The following TENM3 variants were observed in gnomAD, a reference collection of about 807,000 sequenced individuals.
The protein encoded by TENM3 is teneurin-3.
TENM3 carries 63 observed loss-of-function variants against 255.1 expected under a neutral mutation model. That is an observed-to-expected ratio of 0.25 (90% CI 0.20 to 0.30). TENM3 has a LOEUF of 0.30. Ranked by LOEUF, TENM3 falls within the 10% of genes least tolerant of loss-of-function variation. TENM3 has a pLI of 1.00. For synonymous variants in TENM3, 1,306 were observed against 1,322.3 expected (o/e 0.99, Z 0.27); for missense variants, 2,929 against 3,461.1 (o/e 0.85, Z 3.86).
chr4:182,350,568 T>TAA (rs1437922006), intron 3 of TENM3, among the ~76,000 whole-genome samples: 5 of 152,140 alleles, frequency 3.3e-5, no homozygotes, highest in Admixed American at 1.3e-4. Flanking sequence ...GCAGTTTGAG[T>TAA]AAAAATGGGT....
At chr4:181,549,494 G>A in the TENM3 span, among the ~76,000 whole-genome samples, 1 of 152,196 alleles carries the variant, frequency 6.6e-6, no homozygotes, top group Non-Finnish European at 1.5e-5. Flanking sequence ...CTCCAACACA[G>A]GTCTGTGTTA....
chr4:182,419,405 C>T (rs1770634951), intron 3 of TENM3, among the ~76,000 whole-genome samples: 1 of 152,144 alleles, frequency 6.6e-6, no homozygotes, highest in African/African-American at 2.4e-5. Context: ...AATAGGAACG[C>T]TTTTACACTG....
At chr4:182,295,220 G>A (rs997138423) in intron 1 of TENM3, among the ~76,000 whole-genome samples, 16 of 150,016 alleles carry the variant, frequency 1.1e-4, no homozygotes, top group East Asian at 1.9e-4. Flanking sequence ...GCATTTACTC[G>A]GAATATATAT....
the TENM3 span, among the ~76,000 whole-genome samples, chr4:181,969,688 T>C: frequency 1.3e-5 from 2 of 152,092 alleles, no homozygotes; most frequent in African/African-American, 2.4e-5. Flanking sequence ...CAGCAAAGAG[T>C]TTGAGATCCA....
the TENM3 span, among the ~76,000 whole-genome samples, chr4:181,699,985 T>G: frequency 6.6e-6 from 1 of 152,178 alleles, no homozygotes; most frequent in Non-Finnish European, 1.5e-5. Flanking sequence ...TCAGTCGTCC[T>G]GGCAAATTCT....
chr4:181,865,166 G>T, the TENM3 span, among the ~76,000 whole-genome samples: 1 of 152,230 alleles, frequency 6.6e-6, no homozygotes, highest in Admixed American at 6.5e-5. Context: ...AACAAGGCAA[G>T]CTGTGCTGGC....
intron 3 of TENM3, among the ~76,000 whole-genome samples, chr4:182,574,785 CA>C (rs570445386): frequency 2.0e-5 from 3 of 152,114 alleles, no homozygotes; most frequent in Admixed American, 6.5e-5. Flanking sequence ...TGAGCTATTT[CA>C]AAAAAATTTT....
the TENM3 span, among the ~76,000 whole-genome samples, chr4:181,893,094 C>G: frequency 6.6e-6 from 1 of 152,018 alleles, no homozygotes; most frequent in African/African-American, 2.4e-5. Flanking sequence ...TTAAGAGTGT[C>G]ATTAATATAA....
intron 3 of TENM3, among the ~76,000 whole-genome samples, chr4:182,514,316 G>A (rs538309065): frequency 8.1e-4 from 123 of 152,324 alleles, no homozygotes; most frequent in African/African-American, 2.8e-3. Flanking sequence ...TAGGGAAATG[G>A]AAGGAGCAGA....
chr4:182,600,882 TA>T, intron 3 of TENM3, 41 bp from the exon 4 acceptor site: 1 of 1,015,024 alleles, frequency 9.9e-7, no homozygotes, highest in Non-Finnish European at 1.5e-6. Context: ...TATATATATA[TA>T]ATGAGTTCTC....
At chr4:181,748,339 A>G in the TENM3 span, among the ~76,000 whole-genome samples, 1 of 152,208 alleles carries the variant, frequency 6.6e-6, no homozygotes, top group Admixed American at 6.5e-5. Flanking sequence ...CTTCTTGTAC[A>G]GACCCTGAAT....
the TENM3 span, among the ~76,000 whole-genome samples, chr4:181,629,960 C>G: frequency 6.6e-6 from 1 of 152,204 alleles, no homozygotes; most frequent in African/African-American, 2.4e-5. Flanking sequence ...GTGAGTCCGT[C>G]TGGTCCTGGA....
chr4:182,089,515 C>T, the TENM3 span, among the ~76,000 whole-genome samples: 2 of 152,150 alleles, frequency 1.3e-5, no homozygotes, highest in Non-Finnish European at 2.9e-5. Flanking sequence ...CTGACTTGCG[C>T]TCCCTGCTGG....
chr4:182,154,808 G>A lies in TENM3; in HGVS notation c.-76+10054G>A, dbSNP rs182431910. On this transcript the variant is annotated intron_variant, in intron 1 of 2. Transcript: ENST00000512480. ...GAGGGTTAGTTAATTTTCTCTGAAC[G>A]TGTATGTAATACACGTGTATGTAAT... Among the ~76,000 whole-genome samples the A allele has an allele frequency of 3.9e-4, 59 of 152,212 alleles. 1 individual carries two copies. In the East Asian group the frequency reaches 5.2e-3, roughly 13 times the overall value.
chr4:182,450,403 G>T (rs1561460047), intron 3 of TENM3, among the ~76,000 whole-genome samples: 1 of 148,998 alleles, frequency 6.7e-6, no homozygotes, highest in Non-Finnish European at 1.5e-5. Context: ...TTTTGTTTTT[G>T]TTTTTTTTTT....
intron 3 of TENM3, among the ~76,000 whole-genome samples, chr4:182,551,525 C>T (rs991427369): frequency 4.6e-5 from 7 of 151,652 alleles, no homozygotes; most frequent in Non-Finnish European, 1.0e-4. Flanking sequence ...GAATAAAGTG[C>T]AATGAATCTA....
the TENM3 span, among the ~76,000 whole-genome samples, chr4:181,642,868 C>T: frequency 6.6e-6 from 1 of 152,134 alleles, no homozygotes; most frequent in African/African-American, 2.4e-5. Context: ...GTCTATATCT[C>T]TGTTTTGGTA....
At chr4:181,842,669 T>C in the TENM3 span, among the ~76,000 whole-genome samples, 1 of 152,238 alleles carries the variant, frequency 6.6e-6, no homozygotes, top group South Asian at 2.1e-4. Flanking sequence ...CAATTGTTTA[T>C]GGTAGACCAA....
intron 3 of TENM3, among the ~76,000 whole-genome samples, chr4:182,461,412 A>G (rs1160952788): frequency 6.6e-6 from 1 of 152,224 alleles, no homozygotes; most frequent in Non-Finnish European, 1.5e-5. Context: ...CATGAAGTTC[A>G]CGAAAGAGAA....
Sources: allele counts gnomAD v4.1 joint callset (sites outside exome capture counted in the v4.1 genomes callset), GRCh38; gene constraint gnomAD v4.1.1; transcripts MANE v1.5; gene names NCBI Gene and HGNC (gene_info 2026-07-23, HGNC 2026-07-21).